Variants in C3 observed in about 807,000 individuals in gnomAD.
C3 encodes the protein complement C3.
C3 carries 97 observed loss-of-function variants against 207.9 expected under a neutral mutation model. That is an observed-to-expected ratio of 0.47 (90% CI 0.40 to 0.55). The LOEUF (loss-of-function observed/expected upper bound fraction) is 0.55. Ranked by LOEUF, C3 falls within the 20% of genes least tolerant of loss-of-function variation. The pLI is 0.00. For synonymous variants in C3, 848 were observed against 857.6 expected, an observed-to-expected ratio of 0.99 and a Z score of 0.20; for missense variants, 1,684 against 2,171.7, an observed-to-expected ratio of 0.78 and a Z score of 4.46.
At position 6,719,658 on chromosome 19, in the gene C3, AG is replaced by A. The variant is rs3215059; in HGVS notation, c.75-256del. Among the ~76,000 whole-genome samples, 34,093 of 151,870 alleles carry A rather than the reference AG, an allele frequency of 0.22. 4,327 individuals carry two copies. Among genetic ancestry groups the A allele is most frequent in the East Asian group, 0.44 (2,288 of 5,160 alleles). On this transcript the variant is annotated intron_variant, in intron 1 of 40. Coordinates refer to ENST00000245907, the MANE Select transcript of C3 (RefSeq NM_000064.4). The surrounding 1 kb of genome is among the most constrained non-coding windows in gnomAD (Gnocchi z 5.4). ...CTGGCCTTTGAAAGCCTGGGCAACG[AG>A]GGGGCCACACATCCCACCAAACCCT...
chr19:6,689,710 A>G (rs1274318498), intron 27 of C3, among the ~76,000 whole-genome samples: 1 of 152,074 alleles, frequency 6.6e-6, no homozygotes, highest in East Asian at 1.9e-4. Context: ...GGCTGGGTGC[A>G]GTGGCTCATG....
At chr19:6,694,349 T>A in intron 24 of C3, 82 bp downstream of exon 24, 1 of 1,259,246 alleles carries the variant, frequency 7.9e-7, no homozygotes, top group South Asian at 1.2e-5. Flanking sequence ...GAGGGCGTGG[T>A]CTTGAGATGA....
At chr19:6,715,444 C>G (rs981191259) in intron 4 of C3, among the ~76,000 whole-genome samples, 36 of 152,020 alleles carry the variant, frequency 2.4e-4, no homozygotes, top group African/African-American at 8.5e-4. Context: ...CCACTGCACT[C>G]TAGCCTGGGC....
chr19:6,715,449 C>T (rs891022275), intron 4 of C3, among the ~76,000 whole-genome samples: 9 of 152,008 alleles, frequency 5.9e-5, no homozygotes, highest in African/African-American at 2.2e-4. Context: ...GCACTCTAGC[C>T]TGGGCAACAG....
intron 26 of C3, among the ~76,000 whole-genome samples, chr19:6,691,588 A>G (rs542678160): frequency 6.6e-6 from 1 of 152,314 alleles, no homozygotes; most frequent in Admixed American, 6.5e-5. Context: ...GAAAGAAAAG[A>G]AAGGCTGGAA....
At position 6,719,697 on chromosome 19, in the gene C3, C is replaced by G. The variant is rs1464846171; in HGVS notation, c.75-294G>C. ...CCCACCAAACCCTGAACCTTCCAACCAGCGTCAGCAACTCCTCCAAGTCTC... is the reference window on the plus strand; with the variant it reads ...CCCACCAAACCCTGAACCTTCCAACGAGCGTCAGCAACTCCTCCAAGTCTC... On this transcript the variant is annotated intron_variant, in intron 1 of 40. Transcript: ENST00000245907. The surrounding 1 kb of genome is among the most constrained non-coding windows in gnomAD (Gnocchi z 5.4). Among the ~76,000 whole-genome samples, 1 of 152,118 alleles carries G rather than the reference C, an allele frequency of 6.6e-6. No homozygotes were observed. The highest frequency in any genetic ancestry group is 1.5e-5 in the Non-Finnish European group (1 of 68,016).
Position 6,714,157 on chromosome 19 carries a change from T to C in C3, c.682+9A>G. 1.9e-6 allele frequency: 3 copies of C among 1,613,346 alleles called. No homozygotes were observed. The highest frequency in any genetic ancestry group is 2.5e-6 in the Non-Finnish European group (3 of 1,179,732). On this transcript the variant is annotated intron_variant, in intron 6 of 40. Transcript: ENST00000245907. Reference sequence around the variant, plus strand: ...GGCACTGACTCCCCCCAGCCCCTCCTCCTCTTACCGTACTCCTTCACCTCA... The same window carrying C: ...GGCACTGACTCCCCCCAGCCCCTCCCCCTCTTACCGTACTCCTTCACCTCA...
chr19:6,709,978 GGAGA>G (rs1241916405), intron 13 of C3, 136 bp from the exon 14 acceptor site: 2 of 613,758 alleles, frequency 3.3e-6, no homozygotes, highest in African/African-American at 4.0e-5. Flanking sequence ...GGAGAGAGAG[GGAGA>G]GAGAGAGAAA....
chr19:6,678,070 G>C, intron 40 of C3, 47 bp from the exon 41 acceptor site: 1 of 1,614,094 alleles, frequency 6.2e-7, no homozygotes, highest in East Asian at 2.2e-5. Flanking sequence ...TGTGGGCGTG[G>C]CGCAGGGGCG....
chr19:6,702,370 G>A (rs903209224), intron 18 of C3, 101 bp downstream of exon 18: 72 of 999,558 alleles, frequency 7.2e-5, no homozygotes, highest in Non-Finnish European at 1.1e-4. Flanking sequence ...TTGGGCTGTG[G>A]GGTTGCACTG....
intron 19 of C3, among the ~76,000 whole-genome samples, chr19:6,701,201 G>T (rs897689555): frequency 2.0e-5 from 3 of 152,066 alleles, no homozygotes; most frequent in Admixed American, 6.6e-5. Context: ...ACTTTGCTAG[G>T]GATTTTCCCC....
chr19:6,710,206 G>A (rs1967880840), intron 13 of C3, among the ~76,000 whole-genome samples: 2 of 110,608 alleles, frequency 1.8e-5, no homozygotes, highest in Non-Finnish European at 3.8e-5. Flanking sequence ...AAGAGAGAAG[G>A]AGAGAAAGAG....
chr19:6,707,600 C>T, intron 15 of C3, 63 bp from the exon 16 acceptor site: 1 of 1,584,920 alleles, frequency 6.3e-7, no homozygotes, highest in Non-Finnish European at 8.7e-7. Flanking sequence ...CTCGGTTCAC[C>T]CCTCACGATC....
intron 38 of C3, 31 bp from the exon 39 acceptor site, chr19:6,678,486 T>G (rs1191150559): frequency 6.3e-7 from 1 of 1,598,838 alleles, no homozygotes; most frequent in South Asian, 1.1e-5. Flanking sequence ...GTTTGGGTGG[T>G]GGGCTAGGTT....
chr19:6,682,281 A>C (rs746439993), intron 33 of C3, 52 bp from the exon 34 acceptor site: 20 of 1,419,288 alleles, frequency 1.4e-5, no homozygotes, highest in Non-Finnish European at 2.0e-5. Context: ...GTCAGCCCCA[A>C]GGGTCTGTTC....
In C3 at chr19:6,684,421, G is replaced by C; in HGVS notation, c.4139C>G (p.Ala1380Gly). The C allele has an allele frequency of 6.2e-7, 1 of 1,613,808 alleles. No individual in the cohort carries two copies. ...APETEKRPQD[A>G]KNTMILEICT... is the part of the protein sequence containing the mutation. ...GATCTCAAGGATCATAGTGTTCTTGGCATCCTGAGGCCTCTTTTCTAGAAA... is the reference window on the plus strand; with the variant it reads ...GATCTCAAGGATCATAGTGTTCTTGCCATCCTGAGGCCTCTTTTCTAGAAA... The change falls in exon 33 of 41, where the codon GCC becomes GGC. Residue 1380 changes from alanine to glycine, a missense_variant. By Grantham distance (60) the Ala-to-Gly change is moderately conservative (BLOSUM62 0). Coordinates refer to ENST00000245907, the MANE Select transcript of C3 (RefSeq NM_000064.4).
chr19:6,701,599 C>T (rs1422547313), intron 19 of C3, among the ~76,000 whole-genome samples: 2 of 152,180 alleles, frequency 1.3e-5, no homozygotes, highest in African/African-American at 2.4e-5. Context: ...CAGCTCACCG[C>T]AACCTCCACC....
intron 25 of C3, 81 bp from the exon 26 acceptor site, chr19:6,693,164 G>C: frequency 6.6e-7 from 1 of 1,525,540 alleles, no homozygotes; most frequent in Non-Finnish European, 9.0e-7. Flanking sequence ...GCGTGGGGGA[G>C]GGACCAGGGC....
chr19:6,710,689 C>A lies in C3; in HGVS notation c.1636G>T (p.Val546Leu), dbSNP rs1387383424. The A allele has an allele frequency of 6.2e-7, 1 of 1,613,540 alleles. No individual in the cohort carries two copies. Among genetic ancestry groups the A allele is most frequent in the Non-Finnish European group, 8.5e-7 (1 of 1,179,952 alleles). Residue 546 changes from valine to leucine, a missense_variant, in exon 13 of 41, where the codon GTG becomes TTG. Transcript: ENST00000245907. ...TLIGASGQRE[V>L]VADSVWVDVK... The stretch of plus-strand genomic sequence containing the variant: ...TCCACCCACACGGAGTCGGCCACCA[C>A]CTCCCTCTGGCCGCTGGCACCGATC...
Sources: gnomAD v4.1 joint callset for allele counts (sites outside exome capture counted in the v4.1 genomes callset) on GRCh38, gnomAD v4.1.1 for gene constraint, Gnocchi (gnomAD v3.1) non-coding constraint, MANE v1.5 for transcripts, NCBI Gene and HGNC (gene_info 2026-07-23, HGNC 2026-07-21) for gene names.